The following SYCP1 variants were observed in gnomAD, a reference collection of about 807,000 sequenced individuals.
SYCP1 encodes the protein synaptonemal complex protein 1.
A neutral mutation model predicts 153.1 loss-of-function variants in SYCP1; 64 were observed. The ratio of observed to expected loss-of-function variants is 0.42; its 90% CI spans 0.34 to 0.51. SYCP1 has a LOEUF of 0.51. SYCP1 is among the 20% of genes least tolerant of loss of function. SYCP1 has a pLI of 0.06. For synonymous variants in SYCP1, 384 were observed against 341.8 expected (o/e 1.12, Z -1.36); for missense variants, 997 against 1,049.0 (o/e 0.95, Z 0.68).
At chr1:114,930,012 T>C (rs964758072) in intron 23 of SYCP1, among the ~76,000 whole-genome samples, 2 of 152,012 alleles carry the variant, frequency 1.3e-5, no homozygotes, top group Non-Finnish European at 2.9e-5. Flanking sequence ...TCCAGTAGAA[T>C]TGAATCAGGA....
At position 114,946,342 on chromosome 1, in the gene SYCP1, G is replaced by A. The variant is rs1345033259; in HGVS notation, c.2208G>A (p.Lys736=). Reference sequence around the variant, plus strand: ...GAGACTCAGAATTAGGACTTTATAAGAGCAAAGAACAAGAACAGTCATCAC... The same window carrying A: ...GAGACTCAGAATTAGGACTTTATAAAAGCAAAGAACAAGAACAGTCATCAC... ...EERDSELGLY[K]SKEQEQSSLR... The change falls in exon 26 of 32, where the codon AAG becomes AAA. Residue 736 remains lysine, a synonymous_variant. Coordinates refer to ENST00000369522, the MANE Select transcript of SYCP1 (RefSeq NM_003176.4). 1.3e-6 allele frequency: 2 copies of A among 1,587,898 alleles called. No individual in the cohort carries two copies. Among genetic ancestry groups the A allele is most frequent in the African/African-American group, 2.8e-5 (2 of 72,596 alleles).
chr1:114,890,664 A>G (rs1666647566), intron 15 of SYCP1, among the ~76,000 whole-genome samples: 1 of 152,182 alleles, frequency 6.6e-6, no homozygotes, highest in Admixed American at 6.5e-5. Flanking sequence ...AGGTAGCATT[A>G]ACAGTGACAT....
At chr1:114,883,942 C>T (rs1460354285) in intron 12 of SYCP1, among the ~76,000 whole-genome samples, 4 of 152,332 alleles carry the variant, frequency 2.6e-5, no homozygotes, top group South Asian at 2.1e-4. Flanking sequence ...CCACCCGCCT[C>T]GGCCTCCCAA....
At chr1:114,893,349 CATCTGT>C (rs773088161) in intron 15 of SYCP1, among the ~76,000 whole-genome samples, 13 of 151,788 alleles carry the variant, frequency 8.6e-5, no homozygotes, top group South Asian at 6.2e-4. Context: ...TCTGTATCTC[CATCTGT>C]ATCTGTATCT....
intron 23 of SYCP1, among the ~76,000 whole-genome samples, chr1:114,927,347 A>G (rs1360402800): frequency 6.6e-6 from 1 of 152,174 alleles, no homozygotes; most frequent in Non-Finnish European, 1.5e-5. Context: ...TATTATCCCC[A>G]AACAGAAGAC....
At chr1:114,892,175 T>C (rs368586302) in intron 15 of SYCP1, among the ~76,000 whole-genome samples, 48 of 152,180 alleles carry the variant, frequency 3.2e-4, no homozygotes, top group African/African-American at 1.1e-3. Context: ...GGAGCAGAGA[T>C]AGTCCTCGTG....
At chr1:114,914,070 T>C (rs139005827) in intron 20 of SYCP1, 25 bp downstream of exon 20, 6 of 1,496,042 alleles carry the variant, frequency 4.0e-6, no homozygotes, top group Non-Finnish European at 4.5e-6. Flanking sequence ...TTGGCCTTTT[T>C]TTGTCTGGCA....
chr1:114,924,700 C>G (rs549328336), intron 21 of SYCP1, among the ~76,000 whole-genome samples: 3 of 151,716 alleles, frequency 2.0e-5, no homozygotes, highest in Non-Finnish European at 4.4e-5. Context: ...TTCATTGTAA[C>G]TAAAAGATGG....
In SYCP1 at chr1:114,878,330, G is replaced by A. The variant is rs1278112972; in HGVS notation, c.910+128G>A. On this transcript the variant is annotated intron_variant, in intron 12 of 31. Coordinates refer to ENST00000369522, the MANE Select transcript of SYCP1 (RefSeq NM_003176.4). ...TGTACTTCTCAATCTGAGTTGGTTC[G>A]GTTGGAGGAGGGCATAATAGATTAA... 1.2e-4 allele frequency: 73 copies of A among 608,576 alleles called. 1 individual carries two copies. Among genetic ancestry groups the A allele is most frequent in the South Asian group, 3.8e-4 (18 of 47,944 alleles). The allele number at this position is 608,576 out of a possible 1,614,324, so 37.7% of individuals were successfully genotyped here.
chr1:114,935,451 G>A (rs1669931521), intron 23 of SYCP1, among the ~76,000 whole-genome samples: 1 of 152,188 alleles, frequency 6.6e-6, no homozygotes, highest in Non-Finnish European at 1.5e-5. Flanking sequence ...ACAAAAGAAA[G>A]CAGGAAAGAT....
chr1:114,961,079 G>A (rs1671755162), intron 27 of SYCP1, among the ~76,000 whole-genome samples: 1 of 152,090 alleles, frequency 6.6e-6, no homozygotes, highest in African/African-American at 2.4e-5. Flanking sequence ...GTTTAATCTA[G>A]GAGGGTTGTA....
chr1:114,856,748 A>G (rs1399174778), intron 3 of SYCP1, 91 bp downstream of exon 3: 12 of 966,838 alleles, frequency 1.2e-5, no homozygotes, highest in Non-Finnish European at 1.8e-5. Context: ...TAAGTATTAT[A>G]TAAGTATAAT....
At chr1:114,883,275 A>G (rs1570694847) in intron 12 of SYCP1, among the ~76,000 whole-genome samples, 1 of 152,088 alleles carries the variant, frequency 6.6e-6, no homozygotes, top group African/African-American at 2.4e-5. Context: ...AGTTTTATTG[A>G]TTTACTGATA....
At chr1:114,922,707 G>A (rs558229571) in intron 20 of SYCP1, among the ~76,000 whole-genome samples, 71 of 151,914 alleles carry the variant, frequency 4.7e-4, no homozygotes, top group African/African-American at 1.6e-3. Flanking sequence ...GCACTTCCCC[G>A]CACCCAAATC....
rs1360994426 is a variant in SYCP1 at position 114,951,696 on chromosome 1, G to A, written c.2322+4376G>A. Among the ~76,000 whole-genome samples, 3 of 152,110 alleles carry A rather than the reference G, an allele frequency of 2.0e-5. No individual in the cohort carries two copies. In the East Asian group the frequency reaches 5.8e-4, roughly 29 times the overall value. On this transcript the variant is annotated intron_variant, in intron 27 of 31. Transcript: ENST00000369522. ...CCCCCATGGTCACATCTTACAAATTGTAGGACAATATCACAACCAGGATTT... is the reference window on the plus strand; with the variant it reads ...CCCCCATGGTCACATCTTACAAATTATAGGACAATATCACAACCAGGATTT...
intron 14 of SYCP1, 130 bp downstream of exon 14, chr1:114,886,439 A>G (rs1666312399): frequency 6.9e-6 from 5 of 726,954 alleles, no homozygotes; most frequent in Non-Finnish European, 9.9e-6. Flanking sequence ...GTCAGGTCTC[A>G]TGTATAAAGT....
At chr1:114,885,727 G>C (rs1461427338) in intron 13 of SYCP1, 98 bp downstream of exon 13, 2 of 671,710 alleles carry the variant, frequency 3.0e-6, no homozygotes, top group Non-Finnish European at 4.8e-6. Context: ...AGGACCTGGA[G>C]TTTCAAATAG....
intron 28 of SYCP1, among the ~76,000 whole-genome samples, chr1:114,978,150 T>C (rs1446905099): frequency 6.6e-6 from 1 of 151,626 alleles, no homozygotes; most frequent in Non-Finnish European, 1.5e-5. Flanking sequence ...TACTGGAGAA[T>C]GCAGTTTATA....
intron 8 of SYCP1, among the ~76,000 whole-genome samples, chr1:114,870,997 C>T (rs1220252478): frequency 5.3e-5 from 8 of 151,864 alleles, no homozygotes; most frequent in Non-Finnish European, 8.8e-5. Context: ...TATGTGATTC[C>T]AGTTTCTCTC....
Sources: gnomAD v4.1 joint callset for allele counts (sites outside exome capture counted in the v4.1 genomes callset) on GRCh38, gnomAD v4.1.1 for gene constraint, MANE v1.5 for transcripts, NCBI Gene and HGNC (gene_info 2026-07-23, HGNC 2026-07-21) for gene names.